Variants in MYH13 observed in about 807,000 individuals in gnomAD.
MYH13 encodes the protein myosin-13.
In MYH13, 177 loss-of-function variants were observed where a neutral mutation model predicts 232.1. The ratio of observed to expected loss-of-function variants is 0.76; its 90% CI spans 0.67 to 0.86. The LOEUF is 0.86. Ranked by LOEUF, MYH13 falls within the 40% of genes least tolerant of loss-of-function variation. The pLI is 0.00. For missense variants in MYH13, 2,246 were observed against 2,405.9 expected, an observed-to-expected ratio of 0.93 and a Z score of 1.39; for synonymous variants, 884 against 923.5, an observed-to-expected ratio of 0.96 and a Z score of 0.78.
Position 10,355,828 on chromosome 17 carries a change from CTTTTTTTTTTTTTTTTTTTTTTTT to C in MYH13, c.739-705_739-682del, listed in dbSNP as rs61338527. Among the ~76,000 whole-genome samples, 507 of 66,824 alleles carry C rather than the reference CTTTTTTTTTTTTTTTTTTTTTTTT, an allele frequency of 7.6e-3. 11 individuals carry two copies. In the East Asian group the frequency reaches 0.085, roughly 11 times the overall value. 43.8% of individuals were successfully genotyped at this position (66,824 alleles called of 152,430 possible). On this transcript the variant is annotated intron_variant, in intron 8 of 40. Coordinates refer to ENST00000252172, the MANE Select transcript of MYH13 (RefSeq NM_003802.3). ...TAACTGGTTGGATTGTTCTGTCTGA[CTTTTTTTTTTTTTTTTTTTTTTTT>C]TTTTTTTTTTTTTTTGCTTGTATCT...
intron 22 of MYH13, chr17:10,324,756 GT>G (rs56757162): frequency 0.17 from 18,476 of 106,526 alleles, 1,555 homozygotes; most frequent in East Asian, 0.45. Context: ...CCATATACAT[GT>G]TTTTTTTTTT....
At position 10,327,999 on chromosome 17, in the gene MYH13, A is replaced by G. The variant is rs1236571630; in HGVS notation, c.2558T>C (p.Met853Thr). The change falls in exon 22 of 41, where the codon ATG (methionine) becomes ACG (threonine). Residue 853 changes from methionine (M) to threonine (T), a missense_variant. Coordinates refer to ENST00000252172, the MANE Select transcript of MYH13 (RefSeq NM_003802.3). ...LLKSAEAEKEMATMKEDFERT... is the reference protein window; with the variant it reads ...LLKSAEAEKETATMKEDFERT... ...CTCAAAGTCTTCCTTCATGGTGGCC[A>G]TCTCCTTCTCGGCCTCTGCACTCTT... The G allele has an allele frequency of 1.9e-6, 3 of 1,614,104 alleles. No homozygotes were observed. Among genetic ancestry groups the G allele is most frequent in the South Asian group, 1.1e-5 (1 of 91,064 alleles).
intron 22 of MYH13, among the ~76,000 whole-genome samples, chr17:10,325,950 C>T (rs1907183699): frequency 6.6e-6 from 1 of 152,224 alleles, no homozygotes; most frequent in Non-Finnish European, 1.5e-5. Flanking sequence ...GCTGGGATTA[C>T]AGGCGTGAGC....
At chr17:10,367,377 C>A (rs1156328955) in intron 2 of MYH13, among the ~76,000 whole-genome samples, 2 of 152,072 alleles carry the variant, frequency 1.3e-5, no homozygotes, top group African/African-American at 4.8e-5. Context: ...GAGATGGAGT[C>A]TCAATGTGTC....
rs759671645 is a variant in MYH13 at position 10,330,382 on chromosome 17, G to A, written c.2435+5C>T. 11 of 1,613,506 alleles carry A rather than the reference G, an allele frequency of 6.8e-6. No individual in the cohort carries two copies. Among genetic ancestry groups the A allele is most frequent in the East Asian group, 4.5e-5 (2 of 44,874 alleles). On this transcript the variant is annotated splice_donor_5th_base_variant and intron_variant, in intron 21 of 40. Transcript: ENST00000252172. ...GGATAAGGTGGAGGTGAGGGTCTGT[G>A]TCACCTCCTCTCCATCATCTTCTTG... is the stretch of plus-strand genomic sequence containing the variant.
At chr17:10,338,738 T>C (rs1223025549) in intron 18 of MYH13, among the ~76,000 whole-genome samples, 1 of 151,002 alleles carries the variant, frequency 6.6e-6, no homozygotes, top group Non-Finnish European at 1.5e-5. Context: ...TTTCGCTCTG[T>C]CGCCCAGGCT....
intron 23 of MYH13, among the ~76,000 whole-genome samples, chr17:10,323,805 G>T (rs1452614336): frequency 1.4e-5 from 2 of 139,350 alleles, no homozygotes; most frequent in East Asian, 2.5e-4. Context: ...AGAAGAAGAA[G>T]AAGAAGAAGA....
intron 8 of MYH13, among the ~76,000 whole-genome samples, chr17:10,357,126 A>T (rs2071755215): frequency 6.6e-6 from 1 of 151,880 alleles, no homozygotes; most frequent in Admixed American, 6.6e-5. Context: ...ATGCCCAGCT[A>T]ATTTTTTGTA....
chr17:10,304,206 T>C lies in MYH13; in HGVS notation c.5467-708A>G, dbSNP rs1215055080. ...GGGTGCAGCAAACCAACATAGCACG[T>C]TTATACCTATGTAATAAACCTGCAC... On this transcript the variant is annotated intron_variant, in intron 37 of 40. Transcript: ENST00000252172. The surrounding 1 kb of genome is among the most constrained non-coding windows in gnomAD (Gnocchi z 5.3). Among the ~76,000 whole-genome samples, 1 of 152,174 alleles carries C rather than the reference T, an allele frequency of 6.6e-6. No individual in the cohort carries two copies. Among genetic ancestry groups the C allele is most frequent in the Non-Finnish European group, 1.5e-5 (1 of 68,040 alleles).
At position 10,306,984 on chromosome 17, in the gene MYH13, C is replaced by G. The variant is rs1406129737; in HGVS notation, c.5250G>C (p.Gln1750His). The change falls in exon 36 of 41, where the codon CAG becomes CAC. Residue 1750 changes from glutamine (Q) to histidine (H), a missense_variant. Gln to His is a conservative substitution (Grantham distance 24). Transcript: ENST00000252172. This position sits in a 1 kb window ranked among gnomAD's most constrained non-coding sequence, Gnocchi z 4.3. Reference protein sequence around the residue: ...QCQAEVENSIQESRNAEEKAK... With the variant: ...QCQAEVENSIHESRNAEEKAK... ...CCTTCTCCTCTGCGTTCCTGGACTCCTGGATCGAGTTCTCCACCTCTGCCT... is the reference window on the plus strand; with the variant it reads ...CCTTCTCCTCTGCGTTCCTGGACTCGTGGATCGAGTTCTCCACCTCTGCCT... 9.3e-6 allele frequency: 15 copies of G among 1,613,918 alleles called. No individual in the cohort carries two copies. In the East Asian group the frequency reaches 3.1e-4, roughly 34 times the overall value.
rs1048188012 is a variant in MYH13, at chr17:10,303,364, A to T, written c.5571+30T>A. On this transcript the variant is annotated intron_variant, in intron 38 of 40. Transcript: ENST00000252172. ...TCTGATGGGGCTTGGTCCATACAGC[A>T]TTCACTGAGGAGGTTTTTGGGACCC... 3 of 1,612,426 alleles carry T rather than the reference A, an allele frequency of 1.9e-6. No homozygotes were observed. In the African/African-American group the frequency reaches 4.0e-5, roughly 22 times the overall value.
At chr17:10,354,618 G>A in intron 11 of MYH13, 62 bp downstream of exon 11, 1 of 1,451,292 alleles carries the variant, frequency 6.9e-7, no homozygotes, top group Non-Finnish European at 9.6e-7. Context: ...TCACTAACGT[G>A]TCTCTCAGTT....
At chr17:10,366,762 C>A (rs1015780157) in intron 2 of MYH13, among the ~76,000 whole-genome samples, 1 of 152,080 alleles carries the variant, frequency 6.6e-6, no homozygotes, top group African/African-American at 2.4e-5. Flanking sequence ...TAGTTCTCTC[C>A]CCCATCTTAG....
In MYH13 at chr17:10,351,633, A is replaced by G. The variant is rs17810707; in HGVS notation, c.1006-939T>C. ...TTTCTGGATGAAGAATTGAGGGTCT[A>G]GTTGGTAAGTAGCCTGTCATACAGG... On this transcript the variant is annotated intron_variant, in intron 11 of 40. Coordinates refer to ENST00000252172, the MANE Select transcript of MYH13 (RefSeq NM_003802.3). Among the ~76,000 whole-genome samples, 662 of 152,248 alleles carry G rather than the reference A, an allele frequency of 4.3e-3. 11 individuals carry two copies. The highest frequency in any genetic ancestry group is 0.043 in the East Asian group (225 of 5,186).
In MYH13 at chr17:10,315,828, G is replaced by A; in HGVS notation, c.3866-17C>T. On this transcript the variant is annotated splice_polypyrimidine_tract_variant and intron_variant, in intron 28 of 40. Transcript: ENST00000252172. Reference sequence around the variant, plus strand: ...TCAGCTCCCCTACCAAACAGATGTGGCCCCCACGTCAGTGTTACTGACCAC... The same window carrying A: ...TCAGCTCCCCTACCAAACAGATGTGACCCCCACGTCAGTGTTACTGACCAC... 3.1e-6 allele frequency: 5 copies of A among 1,613,888 alleles called. No individual in the cohort carries two copies. Among genetic ancestry groups the A allele is most frequent in the Non-Finnish European group, 4.2e-6 (5 of 1,179,856 alleles).
intron 18 of MYH13, among the ~76,000 whole-genome samples, chr17:10,333,950 G>A (rs1034525707): frequency 2.0e-5 from 3 of 152,030 alleles, no homozygotes; most frequent in Non-Finnish European, 2.9e-5. Context: ...GACCCAGAAG[G>A]GGGTTGAAGG....
rs200562850 is a variant in MYH13, at chr17:10,364,409, G to T, written c.122C>A (p.Ala41Glu). The T allele has an allele frequency of 2.4e-5, 38 of 1,613,454 alleles. No individual in the cohort carries two copies. The highest frequency in any genetic ancestry group is 1.1e-4 in the South Asian group (10 of 91,002). Residue 41 changes from alanine (A) to glutamate (E), a missense_variant, in exon 3 of 41, where the codon GCG becomes GAG. Transcript: ENST00000252172. ...TTTCACATACATTTCCTTATTATCC[G>T]CTACAAAGCAGGCTTTCTTGGAATC... ...PFDSKKACFV[A>E]DNKEMYVKGM...
intron 27 of MYH13, among the ~76,000 whole-genome samples, chr17:10,317,244 G>A (rs1308672588): frequency 6.6e-6 from 1 of 152,128 alleles, no homozygotes; most frequent in Admixed American, 6.5e-5. Context: ...GAGAGGTGTG[G>A]GAGGGGAACA....
intron 20 of MYH13, 148 bp from the exon 21 acceptor site, chr17:10,330,671 G>T (rs540662349): frequency 8.6e-6 from 10 of 1,164,076 alleles, no homozygotes; most frequent in Middle Eastern, 3.0e-4. Flanking sequence ...TTGCTTCTCG[G>T]TGGCTCTGGT....
Sources: allele counts gnomAD v4.1 joint callset (sites outside exome capture counted in the v4.1 genomes callset), GRCh38; gene constraint gnomAD v4.1.1; non-coding constraint Gnocchi (gnomAD v3.1); transcripts MANE v1.5; gene names NCBI Gene and HGNC (gene_info 2026-07-23, HGNC 2026-07-21).